The following PCDHGB1 variants were observed in gnomAD, a reference collection of about 807,000 sequenced individuals.
The protein encoded by PCDHGB1 is protocadherin gamma subfamily B, 1.
In PCDHGB1, 34 loss-of-function variants were observed where a neutral mutation model predicts 56.6. The observed-to-expected ratio is 0.60, with a 90% CI of 0.46 to 0.80. The LOEUF (loss-of-function observed/expected upper bound fraction) is 0.80. Ranked by LOEUF, PCDHGB1 falls within the 30% of genes least tolerant of loss-of-function variation. PCDHGB1 has a pLI of 0.00. For synonymous variants in PCDHGB1, 561 were observed against 505.9 expected (o/e 1.11, Z -1.46); for missense variants, 1,278 against 1,204.6 (o/e 1.06, Z -0.90).
intron 1 of PCDHGB1, chr5:141,360,386 T>C: frequency 6.2e-7 from 1 of 1,613,898 alleles, no homozygotes; most frequent in Non-Finnish European, 8.5e-7. Flanking sequence ...AGCGGAGACT[T>C]ACTTGTGAGT....
chr5:141,453,116 GT>G (rs2098756689), intron 1 of PCDHGB1, among the ~76,000 whole-genome samples: 1 of 151,698 alleles, frequency 6.6e-6, no homozygotes, highest in Admixed American at 6.6e-5. Context: ...GTTTTGTTTT[GT>G]TTTGTTTTGT....
rs949391796 is a variant in PCDHGB1 at position 141,493,050 on chromosome 5, A to G, written c.2410-1757A>G. 6.6e-6 allele frequency among the ~76,000 whole-genome samples: 1 copy of G among 152,262 alleles called. No homozygotes were observed. The highest frequency in any genetic ancestry group is 2.4e-5 in the African/African-American group (1 of 41,464). On this transcript the variant is annotated intron_variant, in intron 1 of 3. Coordinates refer to ENST00000523390, the MANE Select transcript of PCDHGB1 (RefSeq NM_018922.3). The surrounding 1 kb of genome is among the most constrained non-coding windows in gnomAD (Gnocchi z 4.3). Reference sequence around the variant, plus strand: ...CCCTTATGTGTGAGGAAACTACAATAGTAAAAAACACAAGTTTCTCCAACT... The same window carrying G: ...CCCTTATGTGTGAGGAAACTACAATGGTAAAAAACACAAGTTTCTCCAACT...
In PCDHGB1 at chr5:141,490,537, T is replaced by C; in HGVS notation, c.2410-4270T>C. On this transcript the variant is annotated intron_variant, in intron 1 of 3. Transcript: ENST00000523390. This position sits in a 1 kb window ranked among gnomAD's most constrained non-coding sequence, Gnocchi z 5.4. ...GCTGGCCAGCGATGCTGGTTCACCT[T>C]CCCTACACAAACATCTCACCATCAG... is the stretch of plus-strand genomic sequence containing the variant. 1.9e-6 allele frequency: 3 copies of C among 1,614,180 alleles called. No homozygotes were observed. The highest frequency in any genetic ancestry group is 8.5e-7 in the Non-Finnish European group (1 of 1,180,028).
intron 1 of PCDHGB1, chr5:141,424,481 G>A (rs1397559058): frequency 6.6e-6 from 1 of 152,056 alleles, no homozygotes; most frequent in Non-Finnish European, 1.5e-5. Flanking sequence ...TTACTTTGGT[G>A]TCTGTGTTTG....
intron 1 of PCDHGB1, chr5:141,365,500 G>A (rs751033345): frequency 6.2e-7 from 1 of 1,613,898 alleles, no homozygotes; most frequent in Non-Finnish European, 8.5e-7. Context: ...CTAGGAATTT[G>A]CCTTTTAAAT....
At chr5:141,408,618 A>C (rs1264915663) in intron 1 of PCDHGB1, 1 of 1,614,024 alleles carries the variant, frequency 6.2e-7, no homozygotes, top group Admixed American at 1.7e-5. Flanking sequence ...AAGGAAATAC[A>C]TTTAGAAATT....
At position 141,477,023 on chromosome 5, in the gene PCDHGB1, A is replaced by T. The variant is rs763926460; in HGVS notation, c.2410-17784A>T. ...ATTCGCCTTAGACCTTGTAACCGGG[A>T]TGCTGACAATCAAGGGTCGGCTGGA... is the stretch of plus-strand genomic sequence containing the variant. On this transcript the variant is annotated intron_variant, in intron 1 of 3. Transcript: ENST00000523390. The surrounding 1 kb of genome is among the most constrained non-coding windows in gnomAD (Gnocchi z 4.9). 6.2e-7 allele frequency: 1 copy of T among 1,614,240 alleles called. No homozygotes were observed. The highest frequency in any genetic ancestry group is 8.5e-7 in the Non-Finnish European group (1 of 1,180,040).
intron 1 of PCDHGB1, among the ~76,000 whole-genome samples, chr5:141,483,679 CAGAA>C (rs1470395939): frequency 6.7e-6 from 1 of 149,028 alleles, no homozygotes; most frequent in Non-Finnish European, 1.5e-5. Flanking sequence ...TAAAAGAACA[CAGAA>C]AGCCAGATTC....
At position 141,365,079 on chromosome 5, in the gene PCDHGB1, G is replaced by A. The variant is rs748153099; in HGVS notation, c.2409+12410G>A. 1.9e-5 allele frequency: 31 copies of A among 1,613,864 alleles called. No homozygotes were observed. The South Asian group carries it at 3.4e-4, about 18-fold the overall frequency. On this transcript the variant is annotated intron_variant, in intron 1 of 3. Coordinates refer to ENST00000523390, the MANE Select transcript of PCDHGB1 (RefSeq NM_018922.3). ...TTCACCCCATCCGAGTACAGCGTGAGTGTTCCAGAGAACATACCTGTGGGC... is the reference window on the plus strand; with the variant it reads ...TTCACCCCATCCGAGTACAGCGTGAATGTTCCAGAGAACATACCTGTGGGC...
Position 141,477,865 on chromosome 5 carries a change from T to A in PCDHGB1, c.2410-16942T>A, listed in dbSNP as rs1380570615. On this transcript the variant is annotated intron_variant, in intron 1 of 3. Transcript: ENST00000523390. This position sits in a 1 kb window ranked among gnomAD's most constrained non-coding sequence, Gnocchi z 4.9. ...GCTCGGTGGAGATGCTGCCTCGAGG[T>A]ACCTCAGCTGGCCACCTAGTGTCAC... 6.2e-7 allele frequency: 1 copy of A among 1,612,698 alleles called. No individual in the cohort carries two copies. Among genetic ancestry groups the A allele is most frequent in the Non-Finnish European group, 8.5e-7 (1 of 1,179,562 alleles).
At chr5:141,360,672 T>G (rs1209548747) in intron 1 of PCDHGB1, 1 of 1,614,002 alleles carries the variant, frequency 6.2e-7, no homozygotes, top group East Asian at 2.2e-5. Flanking sequence ...AGTACTTTGA[T>G]CTCGCTGAGA....
intron 1 of PCDHGB1, among the ~76,000 whole-genome samples, chr5:141,445,415 C>A (rs1235584061): frequency 6.6e-6 from 1 of 152,140 alleles, no homozygotes; most frequent in Non-Finnish European, 1.5e-5. Context: ...TAACTGTCTG[C>A]TATATGCAAG....
At chr5:141,408,990 A>T (rs1554103244) in intron 1 of PCDHGB1, 1 of 1,613,984 alleles carries the variant, frequency 6.2e-7, no homozygotes, top group South Asian at 1.1e-5. Flanking sequence ...CCTGTGTTGC[A>T]AGTGACAGCC....
rs561648427 is a variant in PCDHGB1, at chr5:141,379,679, T to G, written c.2409+27010T>G. The stretch of plus-strand genomic sequence containing the variant: ...TACTCTCACAAAAGTCATTCACTCA[T>G]GTGGACTGACCAACTGTTAAACATC... On this transcript the variant is annotated intron_variant, in intron 1 of 3. Coordinates refer to ENST00000523390, the MANE Select transcript of PCDHGB1 (RefSeq NM_018922.3). 2.0e-5 allele frequency: 3 copies of G among 152,260 alleles called. No individual in the cohort carries two copies. The South Asian group carries it at 6.2e-4, about 32-fold the overall frequency. The allele number at this position is 152,260 out of a possible 1,614,324, so 9.4% of individuals were successfully genotyped here. A position where few individuals can be genotyped will look rare whatever the true frequency, so the allele number is the denominator to read the frequency against.
chr5:141,436,040 C>A (rs989038133), intron 1 of PCDHGB1, among the ~76,000 whole-genome samples: 2 of 152,060 alleles, frequency 1.3e-5, no homozygotes, highest in African/African-American at 4.8e-5. Context: ...TTTGTATTTA[C>A]ATTAGTTTTC....
chr5:141,432,415 G>A lies in PCDHGB1; in HGVS notation c.2410-62392G>A, dbSNP rs2097498934. The A allele has an allele frequency of 6.2e-7, 1 of 1,614,112 alleles. No homozygotes were observed. The highest frequency in any genetic ancestry group is 1.1e-5 in the South Asian group (1 of 91,092). On this transcript the variant is annotated intron_variant, in intron 1 of 3. Transcript: ENST00000523390. This position sits in a 1 kb window ranked among gnomAD's most constrained non-coding sequence, Gnocchi z 6.0. ...GCAACGTGTCGTTGAGCCTGTTCGT[G>A]CTGGACCAGAACGACAATGCGCCCG... is the stretch of plus-strand genomic sequence containing the variant.
Position 141,352,525 on chromosome 5 carries a change from T to C in PCDHGB1, c.2265T>C (p.His755=), listed in dbSNP as rs1759037139. ...CCTACAATCTATGTATTGCCTCTCATTCTGCAAAGACAGAGTTTAATTCTC... is the reference window on the plus strand; with the variant it reads ...CCTACAATCTATGTATTGCCTCTCACTCTGCAAAGACAGAGTTTAATTCTC... ...PYSYNLCIAS[H]SAKTEFNSLN... Residue 755 remains histidine (H), a synonymous_variant, in exon 1 of 4, where the codon CAT becomes CAC. Transcript: ENST00000523390. 1.2e-6 allele frequency: 2 copies of C among 1,614,020 alleles called. No individual in the cohort carries two copies. The highest frequency in any genetic ancestry group is 1.7e-6 in the Non-Finnish European group (2 of 1,179,894).
intron 1 of PCDHGB1, chr5:141,374,688 G>C (rs750510871): frequency 1.9e-6 from 3 of 1,609,410 alleles, no homozygotes; most frequent in Admixed American, 1.7e-5. Flanking sequence ...ACACTGGACC[G>C]GGAAGGAGAA....
rs1256615029 is a variant in PCDHGB1 at position 141,512,740 on chromosome 5, C to T, written c.*1567C>T. ...GCGGGTGGGCAGCGGGCGGCGGGCT[C>T]CGCGCAGCCGTCTGTCCTTGATCTG... On this transcript the variant is annotated 3_prime_UTR_variant, in exon 4 of 4. Transcript: ENST00000523390. 1 of 152,788 alleles carries T rather than the reference C, an allele frequency of 6.5e-6. No individual in the cohort carries two copies. The highest frequency in any genetic ancestry group is 1.5e-5 in the Non-Finnish European group (1 of 68,570). The allele number at this position is 152,788 out of a possible 1,614,324, so 9.5% of individuals were successfully genotyped here.
Sources: gnomAD v4.1 joint callset for allele counts (sites outside exome capture counted in the v4.1 genomes callset) on GRCh38, gnomAD v4.1.1 for gene constraint, Gnocchi (gnomAD v3.1) non-coding constraint, MANE v1.5 for transcripts, NCBI Gene and HGNC (gene_info 2026-07-23, HGNC 2026-07-21) for gene names.